The following EPG5 variants were observed in gnomAD, a reference collection of about 807,000 sequenced individuals.
The protein encoded by EPG5 is ectopic P-granules 5 autophagy tethering factor, also known as ectopic P granules protein 5 homolog.
A neutral mutation model predicts 302.7 loss-of-function variants in EPG5; 159 were observed. The ratio of observed to expected loss-of-function variants is 0.53; its 90% CI spans 0.46 to 0.60. The LOEUF (loss-of-function observed/expected upper bound fraction) is 0.60. Among genes scored for constraint, EPG5 ranks in the 20% least tolerant of loss-of-function variants. EPG5 has a pLI of 0.00. For missense variants in EPG5, 2,896 were observed against 3,092.4 expected (o/e 0.94, Z 1.51); for synonymous variants, 1,158 against 1,136.8 (o/e 1.02, Z -0.37).
intron 10 of EPG5, among the ~76,000 whole-genome samples, chr18:45,935,410 C>T (rs765925033): frequency 3.7e-4 from 57 of 152,140 alleles, no homozygotes; most frequent in Non-Finnish European, 2.2e-4. Flanking sequence ...AGCGTGGTGG[C>T]GCATGCCTGT....
At chr18:45,856,440 T>C (rs1318043986) in intron 42 of EPG5, among the ~76,000 whole-genome samples, 1 of 152,220 alleles carries the variant, frequency 6.6e-6, no homozygotes, top group African/African-American at 2.4e-5. Context: ...GGCTTCCTTT[T>C]GGAGTGATGA....
At chr18:45,824,309 C>T in the EPG5 span, among the ~76,000 whole-genome samples, 1 of 152,354 alleles carries the variant, frequency 6.6e-6, no homozygotes, top group South Asian at 2.1e-4. Flanking sequence ...TGGCTTCACA[C>T]CATTCTCCTG....
At chr18:45,800,618 C>T in the EPG5 span, among the ~76,000 whole-genome samples, 5 of 152,152 alleles carry the variant, frequency 3.3e-5, no homozygotes, top group African/African-American at 7.2e-5. Flanking sequence ...GATAACTGCA[C>T]ATTTTTGGTT....
At chr18:45,925,536 A>G (rs879168847) in intron 14 of EPG5, among the ~76,000 whole-genome samples, 1 of 152,236 alleles carries the variant, frequency 6.6e-6, no homozygotes, top group South Asian at 2.1e-4. Context: ...AGAATTTTCA[A>G]TGTGGAACAA....
the EPG5 span, among the ~76,000 whole-genome samples, chr18:45,814,301 AC>A: frequency 6.6e-6 from 1 of 152,210 alleles, no homozygotes; most frequent in East Asian, 1.9e-4. Context: ...CTGCAAGACA[AC>A]TAGCTTGTAC....
At chr18:45,911,954 C>T (rs921089642) in intron 22 of EPG5, among the ~76,000 whole-genome samples, 2 of 152,148 alleles carry the variant, frequency 1.3e-5, no homozygotes, top group African/African-American at 4.8e-5. Context: ...TCCCCTCCTA[C>T]AAGCCCCATG....
chr18:45,913,894 A>T, intron 20 of EPG5, 66 bp from the exon 21 acceptor site: 1 of 1,565,172 alleles, frequency 6.4e-7, no homozygotes. Context: ...ATACATCCTG[A>T]TATTCCACAA....
chr18:45,844,826 A>C (rs2048351746), downstream of EPG5, among the ~76,000 whole-genome samples: 1 of 152,218 alleles, frequency 6.6e-6, no homozygotes, highest in Non-Finnish European at 1.5e-5. Context: ...CTGCATGACC[A>C]GGGAAGAAGT....
At chr18:45,820,553 G>A in the EPG5 span, among the ~76,000 whole-genome samples, 26 of 152,264 alleles carry the variant, frequency 1.7e-4, no homozygotes, top group Middle Eastern at 3.4e-3. Context: ...CTCCTGGAGG[G>A]TTCCCGCAGG....
chr18:45,845,854 C>G (rs2048359019), downstream of EPG5, among the ~76,000 whole-genome samples: 2 of 152,196 alleles, frequency 1.3e-5, no homozygotes, highest in South Asian at 4.1e-4. Flanking sequence ...CCTGGGTCCA[C>G]CAGGAGCCCA....
chr18:45,895,910 A>G (rs2049460556), intron 27 of EPG5, among the ~76,000 whole-genome samples: 1 of 152,178 alleles, frequency 6.6e-6, no homozygotes. Context: ...GTCATCCATA[A>G]CCAATATTAT....
chr18:45,923,176 TA>T, intron 15 of EPG5, 91 bp downstream of exon 15: 1 of 1,361,042 alleles, frequency 7.3e-7, no homozygotes, highest in Non-Finnish European at 1.0e-6. Flanking sequence ...TTAGGATACC[TA>T]ATGGTCAATA....
At chr18:45,838,490 A>C in the EPG5 span, 1 of 613,064 alleles carries the variant, frequency 1.6e-6, no homozygotes, top group Admixed American at 3.8e-5. Flanking sequence ...TCTTTTCAGC[A>C]ACCTCTTAAG....
Position 45,954,727 on chromosome 18 carries a change from T to C in EPG5, c.675A>G (p.Gly225=), listed in dbSNP as rs2050987020. 6.2e-7 allele frequency: 1 copy of C among 1,614,054 alleles called. No individual in the cohort carries two copies. Among genetic ancestry groups the C allele is most frequent in the Non-Finnish European group, 8.5e-7 (1 of 1,179,998 alleles). Residue 225 remains glycine (G), a synonymous_variant, in exon 2 of 44, where the codon GGA becomes GGG. Transcript: ENST00000282041. ...LYPQLPAEIA[G]EAPALVAVKP... ...TCACTGCCACCAAAGCTGGTGCTTC[T>C]CCAGCAATTTCAGCTGGCAACTGGG...
the EPG5 span, among the ~76,000 whole-genome samples, chr18:45,809,543 A>G: frequency 6.6e-6 from 1 of 152,230 alleles, no homozygotes; most frequent in Non-Finnish European, 1.5e-5. Context: ...CAGTGGAATA[A>G]AACTGGAAAT....
At position 45,910,669 on chromosome 18, in the gene EPG5, T is replaced by G; in HGVS notation, c.4057A>C (p.Lys1353Gln). ...PAHINLLKEM[K>Q]RRLTEVADFH... ...TCAGCCACCTCGGTCAAACGTCTCTTCATTTCTTTCAACAAATTGATATGA... is the reference window on the plus strand; with the variant it reads ...TCAGCCACCTCGGTCAAACGTCTCTGCATTTCTTTCAACAAATTGATATGA... Residue 1353 changes from lysine (K) to glutamine (Q), a missense_variant, in exon 23 of 44, where the codon AAG becomes CAG. Transcript: ENST00000282041. 6.2e-7 allele frequency: 1 copy of G among 1,614,216 alleles called. No individual in the cohort carries two copies. Among genetic ancestry groups the G allele is most frequent in the South Asian group, 1.1e-5 (1 of 91,092 alleles).
intron 28 of EPG5, among the ~76,000 whole-genome samples, chr18:45,888,120 G>C (rs980514082): frequency 1.3e-5 from 2 of 150,474 alleles, no homozygotes; most frequent in South Asian, 2.1e-4. Context: ...TTTTTGGGGT[G>C]GGGGAGACAG....
At chr18:45,826,908 C>CTTGTT in the EPG5 span, among the ~76,000 whole-genome samples, 108 of 152,234 alleles carry the variant, frequency 7.1e-4, no homozygotes, top group African/African-American at 2.4e-3. Flanking sequence ...GAAAGGAACT[C>CTTGTT]TGTTTGTTTG....
chr18:45,919,845 G>T (rs1186434010), intron 16 of EPG5, among the ~76,000 whole-genome samples: 1 of 152,164 alleles, frequency 6.6e-6, no homozygotes, highest in Non-Finnish European at 1.5e-5. Flanking sequence ...GCCTCATAAA[G>T]TAAGTTTGGT....
Sources: gnomAD v4.1 joint callset for allele counts (sites outside exome capture counted in the v4.1 genomes callset) on GRCh38, gnomAD v4.1.1 for gene constraint, MANE v1.5 for transcripts, NCBI Gene and HGNC (gene_info 2026-07-23, HGNC 2026-07-21) for gene names.